RBFOX1: variants seen among roughly 807,000 people sequenced by gnomAD.
RBFOX1 encodes the protein RNA binding fox-1 homolog 1, also known as RNA binding protein fox-1 homolog 1.
A neutral mutation model predicts 57.7 loss-of-function variants in RBFOX1; 8 were observed. That is an observed-to-expected ratio of 0.14 (90% CI 0.08 to 0.25). RBFOX1 has a LOEUF of 0.25. Among genes scored for constraint, RBFOX1 ranks in the 10% least tolerant of loss-of-function variants. The probability of loss-of-function intolerance (pLI) is 1.00; values close to 1 mark genes in which losing one functional copy is unlikely to be tolerated. For missense variants in RBFOX1, 611 were observed against 548.5 expected, an observed-to-expected ratio of 1.11 and a Z score of -1.14; for synonymous variants, 326 against 222.4, an observed-to-expected ratio of 1.47 and a Z score of -4.15.
intron 3 of RBFOX1, among the ~76,000 whole-genome samples, chr16:5,693,004 C>A (rs1324091960): frequency 6.6e-6 from 1 of 152,190 alleles, no homozygotes; most frequent in Non-Finnish European, 1.5e-5. Flanking sequence ...ATTTTTCCAG[C>A]TTCCCCCCAG....
intron 3 of RBFOX1, among the ~76,000 whole-genome samples, chr16:6,817,628 C>G (rs1030266017): frequency 2.0e-5 from 3 of 151,486 alleles, no homozygotes; most frequent in Non-Finnish European, 4.4e-5. Context: ...ATCACTTGAA[C>G]CCAGGAGGAG....
chr16:7,246,912 A>T (rs1471507434), intron 4 of RBFOX1, among the ~76,000 whole-genome samples: 1 of 151,836 alleles, frequency 6.6e-6, no homozygotes, highest in African/African-American at 2.4e-5. Flanking sequence ...ACCTCCCTAA[A>T]CCTCAATTTT....
chr16:7,269,964 G>C (rs946514629), intron 4 of RBFOX1, among the ~76,000 whole-genome samples: 2 of 152,140 alleles, frequency 1.3e-5, no homozygotes, highest in East Asian at 1.9e-4. Flanking sequence ...GGTAAAAATT[G>C]GTATTGCCCT....
chr16:7,291,116 C>G (rs1238575702), intron 4 of RBFOX1, among the ~76,000 whole-genome samples: 1 of 152,048 alleles, frequency 6.6e-6, no homozygotes, highest in African/African-American at 2.4e-5. Flanking sequence ...GATTATAGCC[C>G]TAGGTTCAAG....
chr16:7,388,280 C>G (rs1408118852), intron 4 of RBFOX1, among the ~76,000 whole-genome samples: 8 of 152,130 alleles, frequency 5.3e-5, no homozygotes, highest in Non-Finnish European at 1.0e-4. Context: ...GGAAAATCCT[C>G]AGAAGAAACT....
At chr16:6,880,185 T>C (rs1461354216) in intron 3 of RBFOX1, among the ~76,000 whole-genome samples, 1 of 151,024 alleles carries the variant, frequency 6.6e-6, no homozygotes. Flanking sequence ...TCAATCTGTG[T>C]ACTCCTTTAA....
At chr16:5,476,896 A>T (rs750770870) in intron 2 of RBFOX1, among the ~76,000 whole-genome samples, 3 of 152,224 alleles carry the variant, frequency 2.0e-5, no homozygotes, top group African/African-American at 7.2e-5. Flanking sequence ...CAGTTATTCA[A>T]ATAAAAATGT....
chr16:7,103,610 T>G (rs1487443406), intron 4 of RBFOX1, among the ~76,000 whole-genome samples: 2 of 152,218 alleles, frequency 1.3e-5, no homozygotes, highest in African/African-American at 4.8e-5. Flanking sequence ...TTTGAATGAT[T>G]TCTCTTCTTC....
intron 4 of RBFOX1, among the ~76,000 whole-genome samples, chr16:5,965,393 C>T (rs2059823221): frequency 6.6e-6 from 1 of 152,136 alleles, no homozygotes; most frequent in Non-Finnish European, 1.5e-5. Flanking sequence ...TATATCAAAA[C>T]ATCATGAGGT....
intron 3 of RBFOX1, among the ~76,000 whole-genome samples, chr16:5,752,699 G>A (rs958680939): frequency 6.6e-6 from 1 of 152,204 alleles, no homozygotes. Context: ...CCTCTTAGGA[G>A]GTGAGGGCGT....
intron 4 of RBFOX1, among the ~76,000 whole-genome samples, chr16:7,240,538 TTTTG>T (rs572945669): frequency 2.0e-4 from 30 of 152,132 alleles, no homozygotes; most frequent in African/African-American, 4.3e-4. Flanking sequence ...TCGTGGTGTT[TTTTG>T]TTTGTTTGTT....
At chr16:7,281,292 C>T (rs1045269524) in intron 4 of RBFOX1, among the ~76,000 whole-genome samples, 4 of 151,704 alleles carry the variant, frequency 2.6e-5, no homozygotes, top group Non-Finnish European at 2.9e-5. Context: ...CGTGAGCCAC[C>T]GTGCCCAGTG....
At chr16:7,202,688 A>C (rs766515401) in intron 4 of RBFOX1, among the ~76,000 whole-genome samples, 56 of 152,264 alleles carry the variant, frequency 3.7e-4, no homozygotes, top group Middle Eastern at 3.4e-3. Flanking sequence ...CAGCAGCACA[A>C]ACTCTTTTGT....
chr16:6,493,076 A>C (rs2153142587), intron 2 of RBFOX1, among the ~76,000 whole-genome samples: 1 of 152,304 alleles, frequency 6.6e-6, no homozygotes, highest in African/African-American at 2.4e-5. Context: ...AATATTTAAG[A>C]GAAAAGCCTC....
chr16:6,405,119 A>T (rs1365518940), intron 2 of RBFOX1, among the ~76,000 whole-genome samples: 1 of 152,178 alleles, frequency 6.6e-6, no homozygotes, highest in African/African-American at 2.4e-5. Flanking sequence ...ACTTATTGTA[A>T]AATTTGCACT....
At chr16:6,446,061 C>T (rs1004205027) in intron 2 of RBFOX1, among the ~76,000 whole-genome samples, 4 of 152,098 alleles carry the variant, frequency 2.6e-5, no homozygotes, top group Admixed American at 1.3e-4. Flanking sequence ...AACTTCTGGG[C>T]TCAAGCAATC....
chr16:6,072,072 T>A (rs1005734952), intron 1 of RBFOX1, among the ~76,000 whole-genome samples: 2 of 152,202 alleles, frequency 1.3e-5, no homozygotes, highest in African/African-American at 4.8e-5. Context: ...TCCACAGGGC[T>A]GGGGAGACCT....
At chr16:6,968,809 C>T (rs1160866651) in intron 3 of RBFOX1, among the ~76,000 whole-genome samples, 1 of 151,678 alleles carries the variant, frequency 6.6e-6, no homozygotes, top group Middle Eastern at 3.2e-3. Flanking sequence ...ATGTATTAAT[C>T]CAGGTTTTTT....
intron 1 of RBFOX1, among the ~76,000 whole-genome samples, chr16:5,244,081 G>C (rs1442687996): frequency 6.6e-6 from 1 of 152,024 alleles, no homozygotes; most frequent in Non-Finnish European, 1.5e-5. Context: ...ATTTTTGGTA[G>C]ATATGAGGTT....
Sources: gnomAD v4.1 joint callset for allele counts (sites outside exome capture counted in the v4.1 genomes callset) on GRCh38, gnomAD v4.1.1 for gene constraint, MANE v1.5 for transcripts, NCBI Gene and HGNC (gene_info 2026-07-23, HGNC 2026-07-21) for gene names.